Variants in PRKCI observed in about 807,000 individuals in gnomAD.
PRKCI encodes protein kinase C iota.
In PRKCI, 43 loss-of-function variants were observed where a neutral mutation model predicts 84.0. That is an observed-to-expected ratio of 0.51 (90% CI 0.40 to 0.66). The LOEUF (loss-of-function observed/expected upper bound fraction) is 0.66, where lower values mean the gene tolerates loss of function less well. PRKCI is among the 30% of genes least tolerant of loss of function. The pLI is 0.00. For synonymous variants in PRKCI, 216 were observed against 234.4 expected (o/e 0.92, Z 0.72); for missense variants, 459 against 745.6 (o/e 0.62, Z 4.48).
At chr3:170,282,480 T>TGA (rs1016713553) in intron 11 of PRKCI, among the ~76,000 whole-genome samples, 2 of 150,096 alleles carry the variant, frequency 1.3e-5, no homozygotes, top group Admixed American at 1.3e-4. Context: ...GCGGATCACC[T>TGA]GAGGTCAGGA....
intron 8 of PRKCI, among the ~76,000 whole-genome samples, chr3:170,276,594 A>C (rs1397410526): frequency 6.6e-6 from 1 of 152,096 alleles, no homozygotes; most frequent in Non-Finnish European, 1.5e-5. Flanking sequence ...GACTACAGGC[A>C]TGTGTCACCA....
intron 4 of PRKCI, among the ~76,000 whole-genome samples, chr3:170,265,735 A>G (rs1047667781): frequency 6.6e-6 from 1 of 151,046 alleles, no homozygotes; most frequent in African/African-American, 2.4e-5. Context: ...CCTCCTGAGT[A>G]GCTGGGATTT....
intron 1 of PRKCI, 90 bp from the exon 2 acceptor site, chr3:170,235,139 TG>T: frequency 7.6e-7 from 1 of 1,320,418 alleles, no homozygotes; most frequent in Non-Finnish European, 1.1e-6. Flanking sequence ...ACAAAATTAC[TG>T]AAGTTCATCA....
intron 2 of PRKCI, among the ~76,000 whole-genome samples, chr3:170,242,738 T>C (rs1051383169): frequency 6.6e-6 from 1 of 151,712 alleles, no homozygotes; most frequent in African/African-American, 2.4e-5. Context: ...TGGTGTGATC[T>C]CGGCTCACTG....
chr3:170,277,693 CAAA>C (rs113442053), intron 8 of PRKCI, among the ~76,000 whole-genome samples: 7 of 79,272 alleles, frequency 8.8e-5, no homozygotes, highest in Non-Finnish European at 8.7e-5. Context: ...GACTCCGTCT[CAAA>C]AAAAAAAAAA....
rs1734900465 is a variant in PRKCI at position 170,304,284 on chromosome 3, CT to C, written c.*1158del. On this transcript the variant is annotated 3_prime_UTR_variant, in exon 18 of 18. Coordinates refer to ENST00000295797, the MANE Select transcript of PRKCI (RefSeq NM_002740.6). ...AGTACACTGGTAATATTTTTATTTC[CT>C]ATTGGAGAGTGAATCCCCACAGTTG... 6.6e-6 allele frequency: 1 copy of C among 151,994 alleles called. No individual in the cohort carries two copies. The highest frequency in any genetic ancestry group is 2.4e-5 in the African/African-American group (1 of 41,364). The allele number at this position is 151,994 out of a possible 1,614,324, so 9.4% of individuals were successfully genotyped here.
At chr3:170,296,042 C>G in intron 15 of PRKCI, 52 bp downstream of exon 15, 1 of 1,055,816 alleles carries the variant, frequency 9.5e-7, no homozygotes, top group Non-Finnish European at 1.3e-6. Context: ...CTATATATAT[C>G]AAACTGGTCA....
chr3:170,233,553 T>C (rs1447252905), intron 1 of PRKCI, among the ~76,000 whole-genome samples: 1 of 152,196 alleles, frequency 6.6e-6, no homozygotes, highest in Admixed American at 6.5e-5. Flanking sequence ...GCTTTGGTAC[T>C]GTAACAAGGA....
At chr3:170,235,602 A>G (rs371400075) in intron 2 of PRKCI, among the ~76,000 whole-genome samples, 26 of 142,802 alleles carry the variant, frequency 1.8e-4, no homozygotes, top group African/African-American at 6.5e-4. Flanking sequence ...GTCTCGCTCT[A>G]TCGCCCAGGC....
At chr3:170,260,170 A>G (rs1232075796) in intron 3 of PRKCI, 112 bp downstream of exon 3, 4 of 656,604 alleles carry the variant, frequency 6.1e-6, no homozygotes, top group Non-Finnish European at 1.0e-5. Context: ...AATCTCTGTG[A>G]CTCATGCCTA....
At chr3:170,233,549 G>A (rs895598057) in intron 1 of PRKCI, among the ~76,000 whole-genome samples, 2 of 151,988 alleles carry the variant, frequency 1.3e-5, no homozygotes, top group South Asian at 2.1e-4. Flanking sequence ...TTTAGCTTTG[G>A]TACTGTAACA....
At chr3:170,250,573 C>G (rs1733419649) in intron 2 of PRKCI, among the ~76,000 whole-genome samples, 1 of 151,632 alleles carries the variant, frequency 6.6e-6, no homozygotes, top group Non-Finnish European at 1.5e-5. Context: ...CTAGACATTT[C>G]CTATACAGTG....
At chr3:170,260,454 A>T (rs113630388) in intron 3 of PRKCI, among the ~76,000 whole-genome samples, 47 of 152,252 alleles carry the variant, frequency 3.1e-4, no homozygotes, top group African/African-American at 1.1e-3. Flanking sequence ...GTTAATAGTG[A>T]AACTATTTAC....
chr3:170,232,439 C>G (rs890690157), intron 1 of PRKCI, among the ~76,000 whole-genome samples: 2 of 152,142 alleles, frequency 1.3e-5, no homozygotes, highest in African/African-American at 2.4e-5. Context: ...AGTCACAGCT[C>G]ACTGCAGCCT....
At chr3:170,227,293 T>C (rs1470335806) in intron 1 of PRKCI, among the ~76,000 whole-genome samples, 2 of 152,246 alleles carry the variant, frequency 1.3e-5, no homozygotes, top group African/African-American at 2.4e-5. Context: ...GTAAATATTG[T>C]TGAACGTCCG....
chr3:170,247,608 C>T lies in PRKCI; in HGVS notation c.223+12257C>T, dbSNP rs190932682. Among the ~76,000 whole-genome samples the T allele has an allele frequency of 7.3e-5, 11 of 151,576 alleles. No homozygotes were observed. In the East Asian group the frequency reaches 2.1e-3, roughly 30 times the overall value. ...AGCTGGGTGTGGTGGTGCATGCCTG[C>T]AATCCCAACTATTTGGGAGGCTGAG... On this transcript the variant is annotated intron_variant, in intron 2 of 17. Transcript: ENST00000295797.
chr3:170,282,070 A>C (rs1190045392), intron 11 of PRKCI, 102 bp downstream of exon 11: 5 of 1,228,442 alleles, frequency 4.1e-6, no homozygotes, highest in Non-Finnish European at 5.6e-6. Context: ...TTTTGATACT[A>C]GTTAATTATT....
Position 170,305,733 on chromosome 3 carries a change from T to C in PRKCI, c.*2606T>C, listed in dbSNP as rs1734942558. ...GGGAATAGGCAGCGGACAGTCAGAA[T>C]GGTTGGAATTTTGGCTTTCTAAGAA... On this transcript the variant is annotated 3_prime_UTR_variant, in exon 18 of 18. Coordinates refer to ENST00000295797, the MANE Select transcript of PRKCI (RefSeq NM_002740.6). 6.6e-6 allele frequency: 1 copy of C among 152,196 alleles called. No homozygotes were observed. The highest frequency in any genetic ancestry group is 1.5e-5 in the Non-Finnish European group (1 of 68,028). The allele number at this position is 152,196 out of a possible 1,614,324, so 9.4% of individuals were successfully genotyped here.
intron 2 of PRKCI, among the ~76,000 whole-genome samples, chr3:170,259,583 C>T (rs1199124023): frequency 3.9e-5 from 6 of 152,082 alleles, no homozygotes; most frequent in Non-Finnish European, 7.4e-5. Flanking sequence ...CCGAGGCAGG[C>T]GGATCACCTG....
Sources: gnomAD v4.1 joint callset for allele counts (sites outside exome capture counted in the v4.1 genomes callset) on GRCh38, gnomAD v4.1.1 for gene constraint, MANE v1.5 for transcripts, NCBI Gene and HGNC (gene_info 2026-07-23, HGNC 2026-07-21) for gene names.